CCDC191: variants seen among roughly 807,000 people sequenced by gnomAD.
CCDC191 encodes the protein coiled-coil domain-containing protein 191.
CCDC191 carries 99 observed loss-of-function variants against 114.0 expected under a neutral mutation model. The observed-to-expected ratio is 0.87, with a 90% confidence interval of 0.74 to 1.03. The LOEUF is 1.03. CCDC191 is among the 50% of genes least tolerant of loss of function. The pLI is 0.00. For synonymous variants in CCDC191, 351 were observed against 376.0 expected (o/e 0.93, Z 0.77); for missense variants, 973 against 1,087.0 (o/e 0.90, Z 1.47).
intron 7 of CCDC191, among the ~76,000 whole-genome samples, chr3:114,020,560 A>G (rs1311691795): frequency 6.6e-6 from 1 of 152,132 alleles, no homozygotes; most frequent in Non-Finnish European, 1.5e-5. Flanking sequence ...TGAATACTGG[A>G]TACTCTTTCA....
intron 6 of CCDC191, among the ~76,000 whole-genome samples, chr3:114,034,144 T>C (rs1577456262): frequency 6.6e-6 from 1 of 152,256 alleles, no homozygotes; most frequent in African/African-American, 2.4e-5. Flanking sequence ...ATATTCTTTT[T>C]CTTTATCAGT....
chr3:113,966,235 A>C (rs1484182197), intron 16 of CCDC191, among the ~76,000 whole-genome samples: 2 of 152,186 alleles, frequency 1.3e-5, no homozygotes, highest in Non-Finnish European at 2.9e-5. Flanking sequence ...GTTGAGAAAA[A>C]ATACCCTAAC....
intron 8 of CCDC191, among the ~76,000 whole-genome samples, chr3:114,014,197 G>C (rs1376072236): frequency 2.6e-5 from 4 of 152,134 alleles, no homozygotes; most frequent in Non-Finnish European, 4.4e-5. Flanking sequence ...AGGTTTAGCT[G>C]GAATAGGAAT....
At chr3:114,018,402 T>G (rs1243892379) in intron 8 of CCDC191, among the ~76,000 whole-genome samples, 1 of 152,082 alleles carries the variant, frequency 6.6e-6, no homozygotes, top group Non-Finnish European at 1.5e-5. Flanking sequence ...CTTGAACTCC[T>G]AGGCTCGAGT....
Position 114,035,043 on chromosome 3 carries a change from C to CA in CCDC191, c.699_700insT (p.Glu234Ter). 1 of 1,614,140 alleles carries CA rather than the reference C, an allele frequency of 6.2e-7. No homozygotes were observed. Among genetic ancestry groups the CA allele is most frequent in the South Asian group, 1.1e-5 (1 of 91,076 alleles). On this transcript the variant is annotated frameshift_variant, in exon 6 of 17. Transcript: ENST00000295878. LOFTEE classifies it high-confidence loss of function. ...GCCTCCAGAGCCTTCCTTTTCTTCTCTTCTTGCACCAGACACTGAGCCTCC... is the reference window on the plus strand; with the variant it reads ...GCCTCCAGAGCCTTCCTTTTCTTCTCATTCTTGCACCAGACACTGAGCCTCC...
intron 7 of CCDC191, among the ~76,000 whole-genome samples, chr3:114,026,661 C>A (rs1393339900): frequency 6.6e-6 from 1 of 152,192 alleles, no homozygotes; most frequent in Non-Finnish European, 1.5e-5. Flanking sequence ...TATTTAACTA[C>A]AGTTTTCGTC....
At chr3:114,034,778 TA>T in intron 6 of CCDC191, 146 bp downstream of exon 6, 1 of 693,846 alleles carries the variant, frequency 1.4e-6, no homozygotes, top group African/African-American at 1.8e-5. Context: ...AATATGAAAT[TA>T]GTTAATTTGT....
At chr3:113,993,450 T>C (rs1360884724) in intron 13 of CCDC191, among the ~76,000 whole-genome samples, 1 of 152,178 alleles carries the variant, frequency 6.6e-6, no homozygotes, top group Non-Finnish European at 1.5e-5. Context: ...CCACACAATA[T>C]GGTCAACTGA....
At chr3:114,056,573 A>G, upstream of CCDC191, 1 of 1,600,884 alleles carries the variant, frequency 6.2e-7, no homozygotes, top group Non-Finnish European at 8.5e-7. Flanking sequence ...CCGCAAGGAA[A>G]GCAGGCATAG....
chr3:114,046,503 A>G, intron 3 of CCDC191, 88 bp downstream of exon 3: 1 of 845,444 alleles, frequency 1.2e-6, no homozygotes, highest in Non-Finnish European at 2.0e-6. Context: ...GAACAAGAGT[A>G]AGAAAACTTC....
intron 13 of CCDC191, among the ~76,000 whole-genome samples, chr3:113,991,403 A>G (rs1339435958): frequency 6.6e-6 from 1 of 152,166 alleles, no homozygotes; most frequent in Non-Finnish European, 1.5e-5. Flanking sequence ...AATGTAGTTT[A>G]CCGTATTAGT....
chr3:114,036,032 G>C (rs1003194389), intron 5 of CCDC191, among the ~76,000 whole-genome samples: 2 of 152,160 alleles, frequency 1.3e-5, no homozygotes, highest in African/African-American at 4.8e-5. Context: ...ATCAGTCTTA[G>C]TTCTGGATTC....
In CCDC191 at chr3:114,054,917, T is replaced by G. The variant is rs546134450; in HGVS notation, c.91-1282A>C. Among the ~76,000 whole-genome samples the G allele has an allele frequency of 4.6e-5, 7 of 152,208 alleles. No individual in the cohort carries two copies. The South Asian group carries it at 1.5e-3, about 32-fold the overall frequency. ...GGTGTGTTTTTAAAATAAGGGGATA[T>G]CCTGATGATTTGTCATTGGAGCACT... On this transcript the variant is annotated intron_variant, in intron 1 of 16. Coordinates refer to ENST00000295878, the MANE Select transcript of CCDC191 (RefSeq NM_020817.2).
intron 6 of CCDC191, among the ~76,000 whole-genome samples, 172 bp from the exon 7 acceptor site, chr3:114,031,951 C>T (rs1468351552): frequency 1.3e-5 from 2 of 151,940 alleles, no homozygotes; most frequent in African/African-American, 4.8e-5. Context: ...TATTTTATTC[C>T]TTTATAAAAT....
At chr3:113,968,791 ATTGT>A (rs1940497391) in intron 16 of CCDC191, among the ~76,000 whole-genome samples, 2 of 151,082 alleles carry the variant, frequency 1.3e-5, no homozygotes, top group African/African-American at 2.4e-5. Context: ...TTTTTTTGCT[ATTGT>A]TTGAGTTCCT....
In CCDC191 at chr3:114,056,398, G is replaced by A. The variant is rs773493799; in HGVS notation, c.69C>T (p.Phe23=). 21 of 1,614,080 alleles carry A rather than the reference G, an allele frequency of 1.3e-5. No homozygotes were observed. In the South Asian group the frequency reaches 2.3e-4, roughly 18 times the overall value. ...KRMGLNRWKR[F]TRKPSPKPTF... Reference sequence around the variant, plus strand: ...TCACCTTGGGACTCGGCTTCCTTGTGAACCGTTTCCAGCGATTCAGCCCCA... The same window carrying A: ...TCACCTTGGGACTCGGCTTCCTTGTAAACCGTTTCCAGCGATTCAGCCCCA... Residue 23 remains phenylalanine (F), a synonymous_variant, in exon 1 of 17, where the codon TTC becomes TTT. Transcript: ENST00000295878.
chr3:114,031,528 G>A, intron 7 of CCDC191, 98 bp downstream of exon 7: 1 of 1,046,422 alleles, frequency 9.6e-7, no homozygotes, highest in Non-Finnish European at 1.5e-6. Flanking sequence ...TTGTGATGAG[G>A]TTCAACTGGA....
intron 16 of CCDC191, among the ~76,000 whole-genome samples, chr3:113,968,240 C>T (rs1426442982): frequency 1.3e-5 from 2 of 152,120 alleles, no homozygotes; most frequent in African/African-American, 2.4e-5. Context: ...TACTAATTTA[C>T]ACTCCCACCA....
chr3:113,969,294 C>T (rs1940558121), intron 16 of CCDC191, among the ~76,000 whole-genome samples: 1 of 152,190 alleles, frequency 6.6e-6, no homozygotes, highest in Non-Finnish European at 1.5e-5. Flanking sequence ...CTCTCTCTTT[C>T]TGTGGGTTAT....
Sources: allele counts gnomAD v4.1 joint callset (sites outside exome capture counted in the v4.1 genomes callset), GRCh38; gene constraint gnomAD v4.1.1; transcripts MANE v1.5; gene names NCBI Gene and HGNC (gene_info 2026-07-23, HGNC 2026-07-21).